HS6ST3: variants seen among roughly 807,000 people sequenced by gnomAD.
HS6ST3 encodes the protein heparan sulfate 6-O-sulfotransferase 3, also known as heparan-sulfate 6-O-sulfotransferase 3.
HS6ST3 carries 12 observed loss-of-function variants against 36.7 expected under a neutral mutation model. That is an observed-to-expected ratio of 0.33 (90% CI 0.21 to 0.53). The LOEUF is 0.53. HS6ST3 is among the 20% of genes least tolerant of loss of function. HS6ST3 has a pLI of 0.95. For synonymous variants in HS6ST3, 240 were observed against 257.5 expected (o/e 0.93, Z 0.65); for missense variants, 584 against 640.9 (o/e 0.91, Z 0.96).
At chr13:96,634,227 C>A (rs766521414) in intron 1 of HS6ST3, among the ~76,000 whole-genome samples, 1 of 152,206 alleles carries the variant, frequency 6.6e-6, no homozygotes, top group Non-Finnish European at 1.5e-5. Flanking sequence ...AGCAATGGAT[C>A]CTACTTGTGA....
intron 1 of HS6ST3, among the ~76,000 whole-genome samples, chr13:96,096,418 A>G (rs2053791344): frequency 6.6e-6 from 1 of 152,192 alleles, no homozygotes; most frequent in Non-Finnish European, 1.5e-5. Context: ...CTTCTTGGGG[A>G]AAGGGTTAGC....
intron 1 of HS6ST3, among the ~76,000 whole-genome samples, chr13:96,617,717 C>T (rs1209076040): frequency 6.6e-6 from 1 of 152,184 alleles, no homozygotes; most frequent in Admixed American, 6.5e-5. Context: ...GGTCCCGAAG[C>T]AGCAGTATCA....
chr13:96,539,036 G>A (rs572806732), intron 1 of HS6ST3, among the ~76,000 whole-genome samples: 5 of 152,156 alleles, frequency 3.3e-5, no homozygotes, highest in East Asian at 1.9e-4. Flanking sequence ...TTATCTAGGC[G>A]TAGTAGTGGC....
chr13:96,281,104 C>T (rs2054773863), intron 1 of HS6ST3, among the ~76,000 whole-genome samples: 1 of 152,210 alleles, frequency 6.6e-6, no homozygotes, highest in African/African-American at 2.4e-5. Context: ...CCTCCTGGTT[C>T]AAGCGATTCT....
intron 1 of HS6ST3, among the ~76,000 whole-genome samples, chr13:96,621,037 T>C (rs2056493143): frequency 6.6e-6 from 1 of 152,206 alleles, no homozygotes; most frequent in African/African-American, 2.4e-5. Context: ...TTTTAGGCTG[T>C]GCTCAATTTC....
At chr13:96,829,801 G>T (rs1878735029) in intron 1 of HS6ST3, among the ~76,000 whole-genome samples, 1 of 152,080 alleles carries the variant, frequency 6.6e-6, no homozygotes, top group Non-Finnish European at 1.5e-5. Context: ...GTGTTGCAAA[G>T]AACATACATG....
chr13:96,292,209 AAT>A (rs906599231), intron 1 of HS6ST3, among the ~76,000 whole-genome samples: 1 of 94,490 alleles, frequency 1.1e-5, no homozygotes, highest in Middle Eastern at 5.1e-3. Context: ...GTTTAGAGTA[AAT>A]GTGTGTGTGT....
At chr13:96,258,106 T>C (rs1052816996) in intron 1 of HS6ST3, among the ~76,000 whole-genome samples, 1 of 152,178 alleles carries the variant, frequency 6.6e-6, no homozygotes, top group Non-Finnish European at 1.5e-5. Context: ...TGGTCCAGCC[T>C]CAGGACTTAG....
chr13:96,363,400 G>T (rs2055248750), intron 1 of HS6ST3, among the ~76,000 whole-genome samples: 1 of 151,600 alleles, frequency 6.6e-6, no homozygotes, highest in African/African-American at 2.4e-5. Context: ...AGCCTTCATT[G>T]ACAGGGACGA....
intron 1 of HS6ST3, among the ~76,000 whole-genome samples, chr13:96,305,357 A>C (rs1005657741): frequency 1.3e-5 from 2 of 152,192 alleles, no homozygotes; most frequent in African/African-American, 4.8e-5. Flanking sequence ...GATAGGCAAT[A>C]AAGTTTGATA....
intron 1 of HS6ST3, among the ~76,000 whole-genome samples, chr13:96,169,324 C>T (rs1227860771): frequency 2.6e-5 from 4 of 151,852 alleles, no homozygotes; most frequent in Non-Finnish European, 4.4e-5. Context: ...AACCAGAGTC[C>T]CTTATTTAAA....
intron 1 of HS6ST3, among the ~76,000 whole-genome samples, chr13:96,802,411 T>A (rs1351351534): frequency 6.6e-6 from 1 of 152,224 alleles, no homozygotes; most frequent in Non-Finnish European, 1.5e-5. Context: ...TAAAGCTTTT[T>A]TCTCTTTTAA....
At chr13:96,303,946 C>A (rs7323056) in intron 1 of HS6ST3, among the ~76,000 whole-genome samples, 54,814 of 151,690 alleles carry the variant, frequency 0.36, 10,222 homozygotes, top group African/African-American at 0.43. Flanking sequence ...AGTTCGAGAC[C>A]AGTCTGGCCA....
intron 1 of HS6ST3, among the ~76,000 whole-genome samples, chr13:96,487,514 T>C (rs552197865): frequency 3.9e-5 from 6 of 152,148 alleles, no homozygotes; most frequent in African/African-American, 7.2e-5. Context: ...CAGGGACTAA[T>C]ATTTATTGAT....
intron 1 of HS6ST3, among the ~76,000 whole-genome samples, chr13:96,579,691 A>G (rs937781269): frequency 3.3e-5 from 5 of 152,208 alleles, no homozygotes; most frequent in Admixed American, 3.3e-4. Context: ...AAGCTAATTC[A>G]AGAAATACCA....
chr13:96,622,231 GT>G lies in HS6ST3; in HGVS notation c.708-210254del, dbSNP rs562620858. ...TATAATTTCAAAAAAAAAAAACAAA[GT>G]TTTTGATAGGTTATGATTTTAGACA... On this transcript the variant is annotated intron_variant, in intron 1 of 1. Coordinates refer to ENST00000376705, the MANE Select transcript of HS6ST3 (RefSeq NM_153456.4). Among the ~76,000 whole-genome samples, 847 of 151,662 alleles carry G rather than the reference GT, an allele frequency of 5.6e-3. 5 individuals carry two copies. Among genetic ancestry groups the G allele is most frequent in the Non-Finnish European group, 8.8e-3 (599 of 67,888 alleles).
intron 1 of HS6ST3, among the ~76,000 whole-genome samples, chr13:96,761,516 G>T (rs1876970795): frequency 6.6e-6 from 1 of 151,728 alleles, no homozygotes; most frequent in African/African-American, 2.4e-5. Context: ...ATGAGCAACT[G>T]TTTTAATTTA....
intron 1 of HS6ST3, among the ~76,000 whole-genome samples, chr13:96,747,356 CTTT>C (rs1876586474): frequency 6.6e-6 from 1 of 152,028 alleles, no homozygotes; most frequent in East Asian, 1.9e-4. Flanking sequence ...TATGGTTTTC[CTTT>C]TTATCTATTT....
intron 1 of HS6ST3, among the ~76,000 whole-genome samples, chr13:96,364,120 G>T (rs971711777): frequency 1.3e-5 from 2 of 152,096 alleles, no homozygotes; most frequent in Non-Finnish European, 2.9e-5. Flanking sequence ...CTTAAAAAAA[G>T]AGGTAAATAA....
Sources: gnomAD v4.1 joint callset for allele counts (sites outside exome capture counted in the v4.1 genomes callset) on GRCh38, gnomAD v4.1.1 for gene constraint, MANE v1.5 for transcripts, NCBI Gene and HGNC (gene_info 2026-07-23, HGNC 2026-07-21) for gene names.